The following KIF26B variants were observed in gnomAD, a reference collection of about 807,000 sequenced individuals.
KIF26B encodes kinesin-like protein KIF26B.
KIF26B carries 63 observed loss-of-function variants against 151.2 expected under a neutral mutation model. The ratio of observed to expected loss-of-function variants is 0.42; its 90% CI spans 0.34 to 0.51. The LOEUF is 0.51. Among genes scored for constraint, KIF26B ranks in the 20% least tolerant of loss-of-function variants. KIF26B has a pLI of 0.07. For missense variants in KIF26B, 2,813 were observed against 2,913.6 expected (o/e 0.97, Z 0.79); for synonymous variants, 1,357 against 1,262.1 (o/e 1.08, Z -1.59).
chr1:245,395,293 G>GT (rs914513272), intron 3 of KIF26B, among the ~76,000 whole-genome samples: 38 of 152,104 alleles, frequency 2.5e-4, no homozygotes, highest in Non-Finnish European at 4.6e-4. Context: ...TTGGCTCTGG[G>GT]TTTTTTCCTG....
intron 2 of KIF26B, among the ~76,000 whole-genome samples, chr1:245,327,550 T>C (rs1019802349): frequency 6.6e-6 from 1 of 152,184 alleles, no homozygotes; most frequent in Admixed American, 6.5e-5. Context: ...TTCTCTGGGA[T>C]CCATGAGTCC....
At chr1:245,666,256 T>C (rs1355483240) in intron 10 of KIF26B, among the ~76,000 whole-genome samples, 3 of 152,176 alleles carry the variant, frequency 2.0e-5, no homozygotes, top group Non-Finnish European at 4.4e-5. Context: ...GTGCTAACTC[T>C]GTTCACTGCA....
chr1:245,355,057 GC>G (rs1672659718), intron 2 of KIF26B, among the ~76,000 whole-genome samples: 2 of 152,166 alleles, frequency 1.3e-5, no homozygotes, highest in East Asian at 3.9e-4. Context: ...AGTGGCTGGG[GC>G]TACAGGCACC....
In KIF26B at chr1:245,419,639, T is replaced by C. The variant is rs1397312149; in HGVS notation, c.1060T>C (p.Tyr354His). The change falls in exon 4 of 15, where the codon TAC becomes CAC. Residue 354 changes from tyrosine to histidine, a missense_variant. Physicochemically the swap from Tyr to His is moderately conservative, Grantham distance 83 (BLOSUM62 2). This residue lies in a region of KIF26B where 676 missense variants were observed against 688.1 expected (regional missense o/e 0.98). Coordinates refer to ENST00000407071, the MANE Select transcript of KIF26B (RefSeq NM_018012.4). ...ACTAACAGAAGCAGTGCTGAACCGC[T>C]ACAATGCAGACAAGCCTTCCGCCTG... ...EGLTEAVLNR[Y>H]NADKPSACSV... 6.2e-7 allele frequency: 1 copy of C among 1,613,832 alleles called. No homozygotes were observed. The highest frequency in any genetic ancestry group is 8.5e-7 in the Non-Finnish European group (1 of 1,179,846).
intron 4 of KIF26B, among the ~76,000 whole-genome samples, chr1:245,445,846 C>T (rs1659238864): frequency 6.6e-6 from 1 of 152,134 alleles, no homozygotes; most frequent in African/African-American, 2.4e-5. Context: ...GTCACAGGGC[C>T]CCCAGCATAA....
chr1:245,333,768 C>T (rs543374353), intron 2 of KIF26B, among the ~76,000 whole-genome samples: 3 of 152,278 alleles, frequency 2.0e-5, no homozygotes, highest in Non-Finnish European at 4.4e-5. Context: ...GAGGCCGATG[C>T]CAGCGGATCA....
intron 10 of KIF26B, among the ~76,000 whole-genome samples, chr1:245,671,610 A>G (rs905033483): frequency 2.6e-5 from 4 of 152,240 alleles, no homozygotes; most frequent in African/African-American, 9.6e-5. Context: ...CTTAGTTGCA[A>G]GGTTACAATA....
chr1:245,690,811 A>G (rs912916344), intron 12 of KIF26B, among the ~76,000 whole-genome samples: 1 of 151,970 alleles, frequency 6.6e-6, no homozygotes, highest in Non-Finnish European at 1.5e-5. Context: ...TCTCGGTGAC[A>G]GCACTTGGAG....
chr1:245,409,762 A>G (rs1355969396), intron 3 of KIF26B, among the ~76,000 whole-genome samples: 1 of 152,094 alleles, frequency 6.6e-6, no homozygotes, highest in African/African-American at 2.4e-5. Flanking sequence ...TATCTGTCTG[A>G]CTCAAGGCCA....
At chr1:245,316,246 C>T (rs930359005) in intron 2 of KIF26B, among the ~76,000 whole-genome samples, 1 of 151,864 alleles carries the variant, frequency 6.6e-6, no homozygotes, top group Non-Finnish European at 1.5e-5. Context: ...CTCAGCCTCC[C>T]AAGTAGATGG....
intron 4 of KIF26B, among the ~76,000 whole-genome samples, chr1:245,454,506 T>C (rs974921701): frequency 2.6e-5 from 4 of 152,188 alleles, no homozygotes; most frequent in African/African-American, 9.6e-5. Flanking sequence ...TCCCTTTGTC[T>C]CCCTCTGAGG....
Position 245,267,880 on chromosome 1 carries a change from G to T in KIF26B, c.466-98954G>T, listed in dbSNP as rs1225209162. The stretch of plus-strand genomic sequence containing the variant: ...AGGGAGCTTTAAAGAATGAATTCAG[G>T]AGACTTGCAGCCTGATGCTGGTTGT... On this transcript the variant is annotated intron_variant, in intron 2 of 14. Transcript: ENST00000407071. 2.0e-5 allele frequency among the ~76,000 whole-genome samples: 3 copies of T among 152,148 alleles called. No individual in the cohort carries two copies. The East Asian group carries it at 5.8e-4, about 29-fold the overall frequency.
At chr1:245,643,168 C>T (rs576574329) in intron 9 of KIF26B, among the ~76,000 whole-genome samples, 25 of 152,220 alleles carry the variant, frequency 1.6e-4, no homozygotes, top group South Asian at 6.2e-4. Flanking sequence ...TCCAATCTGA[C>T]GATTTTTGCC....
At chr1:245,414,470 G>A (rs2103033462) in intron 3 of KIF26B, among the ~76,000 whole-genome samples, 1 of 152,326 alleles carries the variant, frequency 6.6e-6, no homozygotes, top group East Asian at 1.9e-4. Flanking sequence ...GCTTGTTTGT[G>A]TTGGTCTGAG....
At chr1:245,180,936 G>A (rs1395516802) in intron 2 of KIF26B, among the ~76,000 whole-genome samples, 1 of 152,082 alleles carries the variant, frequency 6.6e-6, no homozygotes, top group Non-Finnish European at 1.5e-5. Flanking sequence ...CCAACTGCAG[G>A]ATTCCTATTC....
intron 12 of KIF26B, among the ~76,000 whole-genome samples, chr1:245,695,334 C>T (rs1427342765): frequency 6.6e-6 from 1 of 152,152 alleles, no homozygotes; most frequent in African/African-American, 2.4e-5. Flanking sequence ...CACTCCATTT[C>T]CTCAGCCTGA....
chr1:245,421,348 C>T (rs1458772343), intron 4 of KIF26B, among the ~76,000 whole-genome samples: 1 of 152,172 alleles, frequency 6.6e-6, no homozygotes, highest in Non-Finnish European at 1.5e-5. Flanking sequence ...AGCTATCTCT[C>T]AGGCTATTGT....
chr1:245,515,289 G>A (rs1205887966), intron 4 of KIF26B, among the ~76,000 whole-genome samples: 1 of 152,058 alleles, frequency 6.6e-6, no homozygotes, highest in Non-Finnish European at 1.5e-5. Context: ...CGAGGGTCAG[G>A]GCTTCTCCTC....
At chr1:245,174,488 C>CTATGTATGTATG (rs377266763) in intron 2 of KIF26B, among the ~76,000 whole-genome samples, 73 of 148,762 alleles carry the variant, frequency 4.9e-4, no homozygotes, top group Non-Finnish European at 4.3e-4. Flanking sequence ...TATTCAGCAA[C>CTATGTATGTATG]TATGTATGTA....
Sources: gnomAD v4.1 joint callset for allele counts (sites outside exome capture counted in the v4.1 genomes callset) on GRCh38, gnomAD v4.1.1 for gene constraint, gnomAD v4.1.1 regional missense constraint, MANE v1.5 for transcripts, NCBI Gene and HGNC (gene_info 2026-07-23, HGNC 2026-07-21) for gene names.